The following RPS6KA2 variants were observed in gnomAD, a reference collection of about 807,000 sequenced individuals.
RPS6KA2 encodes ribosomal protein S6 kinase alpha-2.
A neutral mutation model predicts 91.8 loss-of-function variants in RPS6KA2; 42 were observed. That is an observed-to-expected ratio of 0.46 (90% CI 0.36 to 0.59). The LOEUF (loss-of-function observed/expected upper bound fraction) is 0.59, where lower values mean the gene tolerates loss of function less well. RPS6KA2 is among the 20% of genes least tolerant of loss of function. The pLI is 0.00. For missense variants in RPS6KA2, 798 were observed against 978.5 expected (o/e 0.82, Z 2.46); for synonymous variants, 414 against 393.6 (o/e 1.05, Z -0.61).
chr6:166,757,659 C>A (rs995471482), intron 2 of RPS6KA2: 2 of 454,942 alleles, frequency 4.4e-6, no homozygotes, highest in African/African-American at 4.0e-5. Flanking sequence ...CCTTTTATCA[C>A]CTTGTGGGCT....
intron 2 of RPS6KA2, among the ~76,000 whole-genome samples, chr6:166,712,695 T>G (rs1038103844): frequency 1.3e-5 from 2 of 152,182 alleles, no homozygotes; most frequent in African/African-American, 4.8e-5. Context: ...ATGTGTGATG[T>G]CCCACCGAGG....
intron 2 of RPS6KA2, among the ~76,000 whole-genome samples, chr6:166,700,936 C>A (rs1789496024): frequency 6.6e-6 from 1 of 152,154 alleles, no homozygotes; most frequent in South Asian, 2.1e-4. Context: ...CACATTCTCA[C>A]AGAGACAGGA....
intron 2 of RPS6KA2, among the ~76,000 whole-genome samples, chr6:166,768,993 G>C (rs895863319): frequency 3.2e-4 from 48 of 152,266 alleles, no homozygotes; most frequent in South Asian, 2.1e-4. Flanking sequence ...GCTTTCCTGG[G>C]AACACTTTCC....
At chr6:166,514,952 A>G (rs1483760566) in intron 3 of RPS6KA2, among the ~76,000 whole-genome samples, 1 of 152,210 alleles carries the variant, frequency 6.6e-6, no homozygotes, top group Non-Finnish European at 1.5e-5. Context: ...TGCTGGGGAC[A>G]TGCAGGGCTC....
At chr6:166,547,133 A>G (rs1417809638) in intron 1 of RPS6KA2, among the ~76,000 whole-genome samples, 4 of 152,084 alleles carry the variant, frequency 2.6e-5, no homozygotes, top group Non-Finnish European at 4.4e-5. Context: ...GGCTATATTG[A>G]TCAGACCGTT....
At chr6:166,769,336 C>G (rs1294923486) in intron 2 of RPS6KA2, among the ~76,000 whole-genome samples, 1 of 152,192 alleles carries the variant, frequency 6.6e-6, no homozygotes, top group Non-Finnish European at 1.5e-5. Flanking sequence ...TAAGAATCAC[C>G]AATTACAGCT....
intron 2 of RPS6KA2, among the ~76,000 whole-genome samples, chr6:166,811,542 T>G (rs1286340148): frequency 6.6e-6 from 1 of 152,234 alleles, no homozygotes; most frequent in Non-Finnish European, 1.5e-5. Context: ...GAGGATCACT[T>G]GAGCCCAGGA....
intron 2 of RPS6KA2, among the ~76,000 whole-genome samples, chr6:166,658,805 A>G (rs1582993847): frequency 6.6e-6 from 1 of 152,186 alleles, no homozygotes; most frequent in East Asian, 1.9e-4. Flanking sequence ...TTAAGGCCCT[A>G]AACCCTCCGT....
chr6:166,637,775 G>A (rs1410773668), intron 2 of RPS6KA2, among the ~76,000 whole-genome samples: 1 of 152,240 alleles, frequency 6.6e-6, no homozygotes, highest in Non-Finnish European at 1.5e-5. Flanking sequence ...AATGAGGTGA[G>A]GAAGCAGAGG....
At chr6:166,587,738 C>T (rs924852896) in intron 1 of RPS6KA2, among the ~76,000 whole-genome samples, 8 of 152,058 alleles carry the variant, frequency 5.3e-5, no homozygotes, top group South Asian at 2.1e-4. Flanking sequence ...GAAGGGCCCA[C>T]GTCTCTGAAA....
In RPS6KA2 at chr6:166,784,290, C is replaced by T. The variant is rs1311367814; in HGVS notation, c.123+73910G>A. Among the ~76,000 whole-genome samples the T allele has an allele frequency of 1.1e-3, 6 of 5,672 alleles. 2 individuals are homozygous for T. Among genetic ancestry groups the T allele is most frequent in the Non-Finnish European group, 2.3e-3 (3 of 1,306 alleles). The allele number at this position is 5,672 out of a possible 152,430, so 3.7% of individuals were successfully genotyped here. On this transcript the variant is annotated intron_variant, in intron 2 of 21. Coordinates refer to the RPS6KA2 transcript ENST00000503859. ...CCACATATGCACACGTGCACACCTA[C>T]GCATAACCACATATGCACACGTGCA... is the stretch of plus-strand genomic sequence containing the variant.
intron 1 of RPS6KA2, among the ~76,000 whole-genome samples, chr6:166,583,608 C>G (rs891197634): frequency 6.6e-6 from 1 of 152,188 alleles, no homozygotes; most frequent in Non-Finnish European, 1.5e-5. Context: ...AATGTCTTCA[C>G]GTGACAGTTT....
At chr6:166,781,017 C>T (rs9459748) in intron 2 of RPS6KA2, among the ~76,000 whole-genome samples, 32,800 of 152,194 alleles carry the variant, frequency 0.22, 4,369 homozygotes, top group African/African-American at 0.37. Flanking sequence ...CTACTAGAAG[C>T]TCCAGTTCCT....
intron 2 of RPS6KA2, among the ~76,000 whole-genome samples, chr6:166,535,158 C>T (rs560791470): frequency 4.3e-4 from 66 of 152,328 alleles, no homozygotes; most frequent in African/African-American, 1.5e-3. Flanking sequence ...ACTGCCTCTC[C>T]AGCAGCTTGG....
At chr6:166,719,555 T>A (rs1283940012) in intron 2 of RPS6KA2, among the ~76,000 whole-genome samples, 46 of 152,234 alleles carry the variant, frequency 3.0e-4, no homozygotes, top group Admixed American at 2.9e-3. Context: ...TGACGATGTA[T>A]CTATGAAAAT....
intron 2 of RPS6KA2, among the ~76,000 whole-genome samples, chr6:166,839,361 A>G (rs1247500472): frequency 6.6e-6 from 1 of 152,094 alleles, no homozygotes; most frequent in Non-Finnish European, 1.5e-5. Context: ...AGGACTTGTC[A>G]TTCATCACTG....
In RPS6KA2 at chr6:166,742,103, A is replaced by G. The variant is rs528636619; in HGVS notation, c.123+116097T>C. Reference sequence around the variant, plus strand: ...AGCTGAGATCACACCACTGCACTCCAGCCTGGGTAACAGAGCGAGACTCCA... The same window carrying G: ...AGCTGAGATCACACCACTGCACTCCGGCCTGGGTAACAGAGCGAGACTCCA... On this transcript the variant is annotated intron_variant, in intron 2 of 21. Coordinates refer to the RPS6KA2 transcript ENST00000503859. 2.1e-3 allele frequency among the ~76,000 whole-genome samples: 319 copies of G among 152,320 alleles called. 1 individual carries two copies. The highest frequency in any genetic ancestry group is 3.9e-3 in the Non-Finnish European group (263 of 68,024).
chr6:166,721,721 C>T (rs571924229), intron 2 of RPS6KA2, among the ~76,000 whole-genome samples: 24 of 152,286 alleles, frequency 1.6e-4, no homozygotes, highest in African/African-American at 5.5e-4. Context: ...ACCCAGTGGG[C>T]GGGCGGCAGA....
At chr6:166,462,882 C>T (rs1007034982) in intron 11 of RPS6KA2, 4 of 152,372 alleles carry the variant, frequency 2.6e-5, no homozygotes, top group African/African-American at 9.6e-5. Flanking sequence ...TTCTGTGCCG[C>T]GGGAGCCTTC....
Sources: allele counts gnomAD v4.1 joint callset (sites outside exome capture counted in the v4.1 genomes callset), GRCh38; gene constraint gnomAD v4.1.1; transcripts MANE v1.5; gene names NCBI Gene and HGNC (gene_info 2026-07-23, HGNC 2026-07-21).